Variants in CDC14A observed in about 807,000 individuals in gnomAD.
CDC14A encodes the protein dual specificity protein phosphatase CDC14A.
A neutral mutation model predicts 74.4 loss-of-function variants in CDC14A; 53 were observed. The ratio of observed to expected loss-of-function variants is 0.71; its 90% confidence interval spans 0.57 to 0.89. The LOEUF (loss-of-function observed/expected upper bound fraction) is 0.89. Ranked by LOEUF, CDC14A falls within the 40% of genes least tolerant of loss-of-function variation. CDC14A has a pLI of 0.00. For synonymous variants in CDC14A, 247 were observed against 258.4 expected (o/e 0.96, Z 0.43); for missense variants, 646 against 713.7 (o/e 0.91, Z 1.08).
At chr1:100,424,130 C>T in intron 4 of CDC14A, 92 bp from the exon 5 acceptor site, 1 of 889,506 alleles carries the variant, frequency 1.1e-6, no homozygotes, top group Non-Finnish European at 1.9e-6. Context: ...ACAGCTGTCA[C>T]TCAAAGTGGA....
At chr1:100,443,034 A>T (rs1651082251) in intron 7 of CDC14A, 38 bp downstream of exon 7, 1 of 1,356,562 alleles carries the variant, frequency 7.4e-7, no homozygotes, top group Non-Finnish European at 1.1e-6. Flanking sequence ...ACATAATTTC[A>T]TGTTGATTAA....
intron 7 of CDC14A, among the ~76,000 whole-genome samples, chr1:100,450,185 G>A (rs1394034806): frequency 1.3e-5 from 2 of 152,194 alleles, no homozygotes; most frequent in South Asian, 2.1e-4. Context: ...ACCAGGTGGT[G>A]TAGAGTCCTA....
At chr1:100,425,823 G>A (rs762969330) in intron 5 of CDC14A, among the ~76,000 whole-genome samples, 3 of 152,062 alleles carry the variant, frequency 2.0e-5, no homozygotes, top group Admixed American at 6.6e-5. Context: ...TTTCAGAAAG[G>A]GGTAATAATG....
rs1275857636 is a variant in CDC14A at position 100,443,197 on chromosome 1, A to G, written c.519+201A>G. The G allele has an allele frequency of 1.0e-5, 5 of 492,080 alleles. No individual in the cohort carries two copies. In the South Asian group the frequency reaches 1.4e-4, roughly 14 times the overall value. 30.5% of individuals were successfully genotyped at this position (492,080 alleles called of 1,614,324 possible). On this transcript the variant is annotated intron_variant, in intron 7 of 15. Coordinates refer to ENST00000336454, the MANE Select transcript of CDC14A (RefSeq NM_003672.4). ...CAAAATTTTATTTTGGAAAAACAAC[A>G]TATCTATATATATTCTCTCATTTAT... is the stretch of plus-strand genomic sequence containing the variant.
chr1:100,360,908 A>G (rs1652668708), intron 2 of CDC14A, among the ~76,000 whole-genome samples: 1 of 152,184 alleles, frequency 6.6e-6, no homozygotes, highest in Admixed American at 6.5e-5. Flanking sequence ...AGTGGGCTGC[A>G]GGAGATCCCA....
At chr1:100,484,263 CGTTTT>C (rs759177065) in intron 10 of CDC14A, 24 bp from the exon 11 acceptor site, 32 of 1,351,976 alleles carry the variant, frequency 2.4e-5, no homozygotes, top group South Asian at 1.4e-4. Flanking sequence ...TTTTTCTTGT[CGTTTT>C]GTTTTGTTTT....
At chr1:100,381,173 C>A (rs1656042270) in intron 3 of CDC14A, among the ~76,000 whole-genome samples, 1 of 152,174 alleles carries the variant, frequency 6.6e-6, no homozygotes, top group Admixed American at 6.5e-5. Context: ...TTGTCATGAT[C>A]CCCTTCATTT....
Position 100,501,569 on chromosome 1 carries a change from A to G in CDC14A, c.1755+2307A>G, listed in dbSNP as rs981752272. 2.0e-5 allele frequency among the ~76,000 whole-genome samples: 3 copies of G among 152,358 alleles called. No homozygotes were observed. The East Asian group carries it at 5.8e-4, about 29-fold the overall frequency. On this transcript the variant is annotated intron_variant, in intron 15 of 15. Coordinates refer to ENST00000336454, the MANE Select transcript of CDC14A (RefSeq NM_003672.4). ...CTAGCAATACAATTATGTACAGTGC[A>G]TAATATTTGATAATAAATACCTGTT...
At chr1:100,398,695 G>C (rs779985980) in intron 4 of CDC14A, among the ~76,000 whole-genome samples, 2 of 152,114 alleles carry the variant, frequency 1.3e-5, no homozygotes, top group African/African-American at 2.4e-5. Flanking sequence ...TGTTTAAAGC[G>C]GGCAATAGGT....
At chr1:100,370,722 A>G (rs1218304539) in intron 2 of CDC14A, among the ~76,000 whole-genome samples, 4 of 152,154 alleles carry the variant, frequency 2.6e-5, no homozygotes. Context: ...GCCTTAGAGT[A>G]GAGTTTTAAT....
At chr1:100,416,302 GA>G (rs1188083088) in intron 4 of CDC14A, among the ~76,000 whole-genome samples, 2 of 152,252 alleles carry the variant, frequency 1.3e-5, no homozygotes, top group East Asian at 3.9e-4. Context: ...CATTCAAATA[GA>G]AAAAATGAAT....
chr1:100,378,347 A>T (rs570497416), intron 3 of CDC14A, among the ~76,000 whole-genome samples: 48 of 152,268 alleles, frequency 3.2e-4, no homozygotes, highest in African/African-American at 1.1e-3. Context: ...CCAATTTCTA[A>T]ATGAAGATCT....
chr1:100,377,189 C>T (rs1197593703), intron 2 of CDC14A, among the ~76,000 whole-genome samples: 3 of 152,084 alleles, frequency 2.0e-5, no homozygotes, highest in African/African-American at 7.2e-5. Context: ...TATAGGCAAG[C>T]ACCACACTGC....
chr1:100,350,785 A>T (rs1650895508), upstream of CDC14A, among the ~76,000 whole-genome samples: 2 of 152,262 alleles, frequency 1.3e-5, no homozygotes. Flanking sequence ...CGGAAATACA[A>T]CAACATCTTT....
chr1:100,468,878 T>G (rs1450927350), intron 10 of CDC14A, among the ~76,000 whole-genome samples: 1 of 151,326 alleles, frequency 6.6e-6, no homozygotes, highest in East Asian at 1.9e-4. Context: ...TGAAATTTCA[T>G]TTTTTTTTCT....
upstream of CDC14A, among the ~76,000 whole-genome samples, chr1:100,352,118 C>CAAGACA (rs1651113518): frequency 6.6e-6 from 1 of 152,022 alleles, no homozygotes; most frequent in Non-Finnish European, 1.5e-5. Flanking sequence ...TTAGAGGGTG[C>CAAGACA]AGAAAAGAAA....
intron 4 of CDC14A, among the ~76,000 whole-genome samples, chr1:100,414,414 A>T (rs940301140): frequency 2.0e-5 from 3 of 152,372 alleles, no homozygotes; most frequent in South Asian, 2.1e-4. Flanking sequence ...TATAATTGCT[A>T]ACAGGTGTTA....
At chr1:100,505,438 G>A (rs546691959) in intron 15 of CDC14A, among the ~76,000 whole-genome samples, 2 of 152,188 alleles carry the variant, frequency 1.3e-5, no homozygotes, top group South Asian at 4.2e-4. Context: ...AGGAATTATT[G>A]GTCCTTAAAG....
chr1:100,472,518 C>T (rs572856376), intron 10 of CDC14A, among the ~76,000 whole-genome samples: 3 of 152,128 alleles, frequency 2.0e-5, no homozygotes, highest in African/African-American at 7.2e-5. Flanking sequence ...AGGTTTTTTT[C>T]AGTCTATAAC....
Sources: gnomAD v4.1 joint callset for allele counts (sites outside exome capture counted in the v4.1 genomes callset) on GRCh38, gnomAD v4.1.1 for gene constraint, MANE v1.5 for transcripts, NCBI Gene and HGNC (gene_info 2026-07-23, HGNC 2026-07-21) for gene names.